The following HCRTR2 variants were observed in gnomAD, a reference collection of about 807,000 sequenced individuals.
HCRTR2 encodes the protein orexin receptor type 2.
A neutral mutation model predicts 49.0 loss-of-function variants in HCRTR2; 22 were observed. The ratio of observed to expected loss-of-function variants is 0.45; its 90% confidence interval spans 0.32 to 0.64. HCRTR2 has a LOEUF of 0.64. Among genes scored for constraint, HCRTR2 ranks in the 30% least tolerant of loss-of-function variants. The pLI, the probability that HCRTR2 is intolerant of heterozygous loss-of-function variation, is 0.04. For synonymous variants in HCRTR2, 236 were observed against 205.3 expected (o/e 1.15, Z -1.28); for missense variants, 491 against 559.4 (o/e 0.88, Z 1.23).
intron 1 of HCRTR2, among the ~76,000 whole-genome samples, chr6:55,167,594 A>G (rs7773759): frequency 0.042 from 6,421 of 152,200 alleles, 219 homozygotes; most frequent in African/African-American, 0.094. Context: ...ATTTCAATGA[A>G]CTCAAACCCA....
At position 55,165,744 on chromosome 6, in the gene HCRTR2, A is replaced by ATATATATAT. The variant is rs1764867205; in HGVS notation, c.-377-8467_-377-8466insTATATATAT. ...TATTTGTTAAGGGATTAGTATACAG[A>ATATATATAT]ATATATATATATATATATATATATA... On this transcript the variant is annotated intron_variant, in intron 1 of 7. Coordinates refer to the HCRTR2 transcript ENST00000615358. 2.3e-3 allele frequency among the ~76,000 whole-genome samples: 299 copies of ATATATATAT among 128,432 alleles called. 12 individuals are homozygous for ATATATATAT. Among genetic ancestry groups the ATATATATAT allele is most frequent in the South Asian group, 5.4e-3 (22 of 4,058 alleles). 84.3% of individuals were successfully genotyped at this position (128,432 alleles called of 152,430 possible).
intron 1 of HCRTR2, among the ~76,000 whole-genome samples, chr6:55,214,951 A>G (rs1765762488): frequency 6.6e-6 from 1 of 152,090 alleles, no homozygotes; most frequent in African/African-American, 2.4e-5. Context: ...GACATCATCA[A>G]GTAGACCAAT....
At chr6:55,112,152 T>A (rs763216016) in intron 1 of HCRTR2, among the ~76,000 whole-genome samples, 1 of 151,934 alleles carries the variant, frequency 6.6e-6, no homozygotes, top group Non-Finnish European at 1.5e-5. Flanking sequence ...CTTAGGGTAA[T>A]AAAAGCTATC....
At chr6:55,121,155 C>T (rs913797495) in intron 1 of HCRTR2, among the ~76,000 whole-genome samples, 25 of 151,836 alleles carry the variant, frequency 1.6e-4, no homozygotes, top group African/African-American at 4.8e-4. Flanking sequence ...TTTCGTTGAG[C>T]GTGGTTTGTA....
intron 4 of HCRTR2, among the ~76,000 whole-genome samples, chr6:55,271,668 A>G (rs1328056065): frequency 6.6e-6 from 1 of 152,176 alleles, no homozygotes; most frequent in Non-Finnish European, 1.5e-5. Flanking sequence ...TATACAAAGA[A>G]CTCTTATGAA....
chr6:55,115,396 G>T (rs2127611953), intron 1 of HCRTR2, among the ~76,000 whole-genome samples: 1 of 151,238 alleles, frequency 6.6e-6, no homozygotes, highest in South Asian at 2.1e-4. Context: ...TATTAAATTG[G>T]GCTATTTAAT....
chr6:55,151,462 C>A (rs1227430406), intron 1 of HCRTR2, among the ~76,000 whole-genome samples: 1 of 151,966 alleles, frequency 6.6e-6, no homozygotes, highest in African/African-American at 2.4e-5. Flanking sequence ...AGAAGCAGAT[C>A]ATCTTGTAAA....
intron 4 of HCRTR2, among the ~76,000 whole-genome samples, chr6:55,269,087 C>CA (rs1158724252): frequency 0.094 from 5,214 of 55,232 alleles, 167 homozygotes; most frequent in Middle Eastern, 0.19. Context: ...GACTCCGTCT[C>CA]AAAAAAAAAA....
intron 1 of HCRTR2, among the ~76,000 whole-genome samples, chr6:55,122,400 T>G (rs906819141): frequency 1.3e-5 from 2 of 152,134 alleles, no homozygotes; most frequent in African/African-American, 4.8e-5. Context: ...TTTGTTTATC[T>G]TTTCAAAAAA....
intron 4 of HCRTR2, among the ~76,000 whole-genome samples, chr6:55,267,656 G>T (rs1054325446): frequency 1.3e-5 from 2 of 152,118 alleles, no homozygotes; most frequent in Non-Finnish European, 2.9e-5. Context: ...AGGATGGACT[G>T]TAATAGATAT....
upstream of HCRTR2, among the ~76,000 whole-genome samples, chr6:55,172,849 A>G (rs1764970787): frequency 6.6e-6 from 1 of 152,128 alleles, no homozygotes; most frequent in African/African-American, 2.4e-5. Context: ...AGTTAACTAA[A>G]TCTCAGTGTA....
upstream of HCRTR2, among the ~76,000 whole-genome samples, chr6:55,171,535 T>C (rs1764949643): frequency 6.6e-6 from 1 of 152,166 alleles, no homozygotes; most frequent in South Asian, 2.1e-4. Flanking sequence ...ATAATATTTA[T>C]TATCTATGGT....
chr6:55,220,161 T>A, intron 1 of HCRTR2, among the ~76,000 whole-genome samples: 1 of 152,112 alleles, frequency 6.6e-6, no homozygotes, highest in East Asian at 1.9e-4. Context: ...TTGCAAAAAA[T>A]TGAAGAGGAC....
chr6:55,118,039 C>T (rs917180483), intron 1 of HCRTR2, among the ~76,000 whole-genome samples: 1 of 151,676 alleles, frequency 6.6e-6, no homozygotes. Flanking sequence ...TTTTCCTGAT[C>T]CTGTCCCTCC....
At chr6:55,196,349 G>C (rs1765409245) in intron 1 of HCRTR2, among the ~76,000 whole-genome samples, 1 of 152,204 alleles carries the variant, frequency 6.6e-6, no homozygotes. Flanking sequence ...GCACAAGGAA[G>C]TATCGGAGCT....
intron 1 of HCRTR2, among the ~76,000 whole-genome samples, chr6:55,165,056 A>T (rs1764857416): frequency 6.6e-6 from 1 of 152,204 alleles, no homozygotes. Flanking sequence ...TACCAGCAGA[A>T]TTGATCCTGC....
At chr6:55,166,773 T>C (rs577599685) in intron 1 of HCRTR2, among the ~76,000 whole-genome samples, 2 of 152,206 alleles carry the variant, frequency 1.3e-5, no homozygotes, top group South Asian at 2.1e-4. Context: ...CAGTATTATA[T>C]ATAATTGGCA....
intron 1 of HCRTR2, among the ~76,000 whole-genome samples, chr6:55,142,972 T>TGACA (rs1554167789): frequency 1.3e-5 from 2 of 151,330 alleles, no homozygotes; most frequent in Non-Finnish European, 2.9e-5. Context: ...AGGCAGATTA[T>TGACA]GATAGAAAGA....
intron 1 of HCRTR2, among the ~76,000 whole-genome samples, chr6:55,223,692 C>A (rs192832878): frequency 2.6e-5 from 4 of 151,706 alleles, no homozygotes; most frequent in Admixed American, 6.6e-5. Flanking sequence ...CTCTATATGG[C>A]GGGCTATCAC....
Sources: allele counts gnomAD v4.1 joint callset (sites outside exome capture counted in the v4.1 genomes callset), GRCh38; gene constraint gnomAD v4.1.1; transcripts MANE v1.5; gene names NCBI Gene and HGNC (gene_info 2026-07-23, HGNC 2026-07-21).